SLC35A3: variants seen among roughly 807,000 people sequenced by gnomAD.
SLC35A3 encodes solute carrier family 35 member A3, also known as UDP-N-acetylglucosamine transporter.
SLC35A3 carries 26 observed loss-of-function variants against 39.0 expected under a neutral mutation model. The observed-to-expected ratio is 0.67, with a 90% CI of 0.49 to 0.92. The LOEUF (loss-of-function observed/expected upper bound fraction) is 0.92, where lower values mean the gene tolerates loss of function less well. Among genes scored for constraint, SLC35A3 ranks in the 40% least tolerant of loss-of-function variants. The probability of loss-of-function intolerance (pLI) is 0.00; values close to 1 mark genes in which losing one functional copy is unlikely to be tolerated. For synonymous variants in SLC35A3, 135 were observed against 133.1 expected (o/e 1.01, Z -0.10); for missense variants, 299 against 371.6 (o/e 0.80, Z 1.61).
At position 100,027,276 on chromosome 1, in the gene SLC35A3, G is replaced by T. The variant is rs1660962699; in HGVS notation, c.*4800G>T. 3 of 397,788 alleles carry T rather than the reference G, an allele frequency of 7.5e-6. No individual in the cohort carries two copies. Among genetic ancestry groups the T allele is most frequent in the Non-Finnish European group, 1.3e-5 (3 of 225,776 alleles). 24.6% of individuals were successfully genotyped at this position (397,788 alleles called of 1,614,324 possible). A position where few individuals can be genotyped will look rare whatever the true frequency, so the allele number is the denominator to read the frequency against. ...AGGCCAGCCTGGGCAACATAGCCTT[G>T]TTTCTACAAAAAATCTTAAAAATAA... On this transcript the variant is annotated 3_prime_UTR_variant, in exon 8 of 8. Coordinates refer to ENST00000533028, the MANE Select transcript of SLC35A3 (RefSeq NM_012243.3).
At chr1:99,987,122 C>T (rs1427053276) in intron 1 of SLC35A3, among the ~76,000 whole-genome samples, 1 of 152,196 alleles carries the variant, frequency 6.6e-6, no homozygotes, top group Admixed American at 6.5e-5. Context: ...TAGTGGGAGC[C>T]AGGGAGCCTG....
chr1:99,991,937 C>T (rs1322256730), intron 1 of SLC35A3, among the ~76,000 whole-genome samples: 7 of 152,054 alleles, frequency 4.6e-5, no homozygotes, highest in Non-Finnish European at 7.4e-5. Context: ...TTAGTAGAGA[C>T]GAGGTTTCAC....
chr1:100,006,069 T>C (rs932508702), intron 3 of SLC35A3, among the ~76,000 whole-genome samples: 33 of 152,192 alleles, frequency 2.2e-4, no homozygotes, highest in Non-Finnish European at 8.8e-5. Flanking sequence ...CCTGGGTGGG[T>C]GCAGTAATAT....
intron 5 of SLC35A3, 55 bp from the exon 6 acceptor site, chr1:100,015,245 AAT>A: frequency 7.1e-7 from 1 of 1,405,352 alleles, no homozygotes; most frequent in African/African-American, 1.5e-5. Context: ...CAGTGGAAAA[AAT>A]ATATCTCTTC....
At chr1:100,019,053 T>C (rs139908425) in intron 7 of SLC35A3, among the ~76,000 whole-genome samples, 145 of 152,300 alleles carry the variant, frequency 9.5e-4, no homozygotes, top group Non-Finnish European at 1.8e-3. Context: ...TTTGTAATCT[T>C]AATCATATTC....
At position 100,007,097 on chromosome 1, in the gene SLC35A3, T is replaced by C. The variant is rs1226291849; in HGVS notation, c.406T>C (p.Leu136=). Residue 136 remains leucine, a synonymous_variant, in exon 4 of 8, where the codon TTG becomes CTG. Coordinates refer to ENST00000533028, the MANE Select transcript of SLC35A3 (RefSeq NM_012243.3). ...LFSVSMLSKK[L]GVYQWLSLVI... ...TTCTGTGTCTATGCTTAGTAAAAAATTGGGTGTATACCAGTGGCTGTCCCT... is the reference window on the plus strand; with the variant it reads ...TTCTGTGTCTATGCTTAGTAAAAAACTGGGTGTATACCAGTGGCTGTCCCT... 1.9e-6 allele frequency: 3 copies of C among 1,612,920 alleles called. No individual in the cohort carries two copies. Among genetic ancestry groups the C allele is most frequent in the Non-Finnish European group, 2.5e-6 (3 of 1,179,508 alleles).
chr1:100,017,365 T>A (rs1301675808), intron 6 of SLC35A3, among the ~76,000 whole-genome samples: 3 of 152,204 alleles, frequency 2.0e-5, no homozygotes, highest in Non-Finnish European at 4.4e-5. Flanking sequence ...CCAGTCCTCT[T>A]ACATTTGTCC....
chr1:99,997,487 A>G (rs912386257), intron 2 of SLC35A3, among the ~76,000 whole-genome samples: 7 of 117,384 alleles, frequency 6.0e-5, no homozygotes, highest in Admixed American at 2.0e-4. Context: ...AGTTGATATT[A>G]TCACATACCA....
intron 1 of SLC35A3, among the ~76,000 whole-genome samples, 154 bp from the exon 2 acceptor site, chr1:99,993,383 C>G (rs1658198724): frequency 6.6e-6 from 1 of 150,906 alleles, no homozygotes; most frequent in Admixed American, 6.6e-5. Flanking sequence ...CATCTTGAGT[C>G]TCTTGGTTTC....
chr1:100,030,156 TTAA>T lies in SLC35A3; in HGVS notation c.*7682_*7684del, dbSNP rs1267335913. ...GACCTGAGAATCAGGTGTTTTTCGT[TTAA>T]TGCATTTATTTTCATTCATTCATTT... is the stretch of plus-strand genomic sequence containing the variant. On this transcript the variant is annotated 3_prime_UTR_variant, in exon 8 of 8. Coordinates refer to ENST00000533028, the MANE Select transcript of SLC35A3 (RefSeq NM_012243.3). 1 of 152,224 alleles carries T rather than the reference TTAA, an allele frequency of 6.6e-6. No homozygotes were observed. Among genetic ancestry groups the T allele is most frequent in the East Asian group, 1.9e-4 (1 of 5,198 alleles). The allele number at this position is 152,224 out of a possible 1,614,324, so 9.4% of individuals were successfully genotyped here. A position where few individuals can be genotyped will look rare whatever the true frequency, so the allele number is the denominator to read the frequency against.
chr1:100,024,901 C>CTCTGT lies in SLC35A3; in HGVS notation c.*2425_*2426insTCTGT. ...GAATTGGCTCAAAAATACTATGTTA[C>CTCTGT]AGACTGTTGGGTACCCTTGCCTAAC... On this transcript the variant is annotated 3_prime_UTR_variant, in exon 8 of 8. Transcript: ENST00000533028. 2.8e-6 allele frequency: 1 copy of CTCTGT among 359,538 alleles called. No homozygotes were observed. The highest frequency in any genetic ancestry group is 4.0e-5 in the East Asian group (1 of 24,788). 22.3% of individuals were successfully genotyped at this position (359,538 alleles called of 1,614,324 possible).
In SLC35A3 at chr1:100,034,391, A is replaced by T. The variant is rs1661393614; in HGVS notation, c.*11915A>T. 6.6e-6 allele frequency: 1 copy of T among 152,174 alleles called. No individual in the cohort carries two copies. Among genetic ancestry groups the T allele is most frequent in the African/African-American group, 2.4e-5 (1 of 41,458 alleles). 9.4% of individuals were successfully genotyped at this position (152,174 alleles called of 1,614,324 possible). ...CATTTTACATCTTACTATTGAGTTT[A>T]AAAATTTTTATTTGCTGTGTTCTTT... On this transcript the variant is annotated 3_prime_UTR_variant, in exon 8 of 8. Coordinates refer to ENST00000533028, the MANE Select transcript of SLC35A3 (RefSeq NM_012243.3).
rs1661185295 is a variant in SLC35A3 at position 100,031,110 on chromosome 1, T to C, written c.*8634T>C. The C allele has an allele frequency of 6.6e-6, 1 of 152,336 alleles. No individual in the cohort carries two copies. Among genetic ancestry groups the C allele is most frequent in the East Asian group, 1.9e-4 (1 of 5,186 alleles). The allele number at this position is 152,336 out of a possible 1,614,324, so 9.4% of individuals were successfully genotyped here. ...TTTTGTTTTCAATGTTTTGTTTTTA[T>C]AATATTGCCATTTTAATGGCTTCAA... is the stretch of plus-strand genomic sequence containing the variant. On this transcript the variant is annotated 3_prime_UTR_variant, in exon 8 of 8. Coordinates refer to ENST00000533028, the MANE Select transcript of SLC35A3 (RefSeq NM_012243.3).
At position 100,032,289 on chromosome 1, in the gene SLC35A3, T is replaced by A. The variant is rs907654248; in HGVS notation, c.*9813T>A. 2 of 152,224 alleles carry A rather than the reference T, an allele frequency of 1.3e-5. No individual in the cohort carries two copies. The highest frequency in any genetic ancestry group is 2.9e-5 in the Non-Finnish European group (2 of 68,030). The allele number at this position is 152,224 out of a possible 1,614,324, so 9.4% of individuals were successfully genotyped here. A position where few individuals can be genotyped will look rare whatever the true frequency, so the allele number is the denominator to read the frequency against. ...AATTGATGATTCTTGACTGAATCAT[T>A]TATTACACTGGGGTGCAAAATGGTG... On this transcript the variant is annotated 3_prime_UTR_variant, in exon 8 of 8. Transcript: ENST00000533028.
Position 100,027,465 on chromosome 1 carries a change from C to A in SLC35A3, c.*4989C>A. 3.0e-6 allele frequency: 1 copy of A among 335,522 alleles called. No homozygotes were observed. The allele number at this position is 335,522 out of a possible 1,614,324, so 20.8% of individuals were successfully genotyped here. ...ACTCTGTCTCAAAAAACAAACAAAACAAAAACTGAAACAACAAAAAAAGAC... is the reference window on the plus strand; with the variant it reads ...ACTCTGTCTCAAAAAACAAACAAAAAAAAAACTGAAACAACAAAAAAAGAC... On this transcript the variant is annotated 3_prime_UTR_variant, in exon 8 of 8. Coordinates refer to ENST00000533028, the MANE Select transcript of SLC35A3 (RefSeq NM_012243.3).
chr1:100,009,330 T>C (rs1659460594), intron 4 of SLC35A3: 1 of 151,926 alleles, frequency 6.6e-6, no homozygotes, highest in Non-Finnish European at 1.5e-5. Context: ...AAAGGTATGT[T>C]AAAAAAAATA....
intron 1 of SLC35A3, among the ~76,000 whole-genome samples, chr1:99,974,131 G>GT (rs1570558752): frequency 6.6e-6 from 1 of 151,952 alleles, no homozygotes; most frequent in African/African-American, 2.4e-5. Flanking sequence ...CTAGAGCTGA[G>GT]TTTTTTCTGT....
Position 100,031,700 on chromosome 1 carries a change from T to C in SLC35A3, c.*9224T>C, listed in dbSNP as rs1232296917. 1 of 152,226 alleles carries C rather than the reference T, an allele frequency of 6.6e-6. No individual in the cohort carries two copies. The highest frequency in any genetic ancestry group is 2.4e-5 in the African/African-American group (1 of 41,452). 9.4% of individuals were successfully genotyped at this position (152,226 alleles called of 1,614,324 possible). A position where few individuals can be genotyped will look rare whatever the true frequency, so the allele number is the denominator to read the frequency against. ...AGTGGACCCATGCAGTTCAAATCTG[T>C]TGTTCAAGAGTCAACTGTATTCCCA... On this transcript the variant is annotated 3_prime_UTR_variant, in exon 8 of 8. Transcript: ENST00000533028.
At position 100,016,738 on chromosome 1, in the gene SLC35A3, A is replaced by G. The variant is rs12026321; in HGVS notation, c.754-944A>G. On this transcript the variant is annotated intron_variant, in intron 6 of 7. Coordinates refer to ENST00000533028, the MANE Select transcript of SLC35A3 (RefSeq NM_012243.3). ...GATAAGTGAAAATTTTAAAAAAATA[A>G]TTAAGAGAAAATTTGAAGCGGAGAT... Among the ~76,000 whole-genome samples the G allele has an allele frequency of 8.6e-3, 1,309 of 152,338 alleles. 10 individuals are homozygous for G. The highest frequency in any genetic ancestry group is 0.035 in the East Asian group (182 of 5,196).
Sources: allele counts gnomAD v4.1 joint callset (sites outside exome capture counted in the v4.1 genomes callset), GRCh38; gene constraint gnomAD v4.1.1; transcripts MANE v1.5; gene names NCBI Gene and HGNC (gene_info 2026-07-23, HGNC 2026-07-21).